The following GPHN variants were observed in gnomAD, a reference collection of about 807,000 sequenced individuals.
The protein encoded by GPHN is gephyrin.
Under a neutral mutation model 95.5 loss-of-function variants are expected in GPHN, and 17 were observed. The ratio of observed to expected loss-of-function variants is 0.18; its 90% CI spans 0.12 to 0.27. GPHN has a LOEUF of 0.27. Among genes scored for constraint, GPHN ranks in the 10% least tolerant of loss-of-function variants. GPHN has a pLI of 1.00. For synonymous variants in GPHN, 320 were observed against 322.5 expected (o/e 0.99, Z 0.08); for missense variants, 660 against 978.1 (o/e 0.67, Z 4.34).
intron 8 of GPHN, among the ~76,000 whole-genome samples, chr14:66,939,887 G>T (rs1021868841): frequency 6.6e-6 from 1 of 152,110 alleles, no homozygotes; most frequent in Admixed American, 6.6e-5. Context: ...TGACCGTTTG[G>T]AGGTTGATGG....
intron 1 of GPHN, among the ~76,000 whole-genome samples, chr14:66,555,947 A>T (rs1254486944): frequency 6.6e-6 from 1 of 152,148 alleles, no homozygotes; most frequent in Non-Finnish European, 1.5e-5. Flanking sequence ...CATTGTTTGA[A>T]CATCATAGAA....
the GPHN span, among the ~76,000 whole-genome samples, chr14:67,278,455 G>A: frequency 3.3e-5 from 5 of 150,924 alleles, no homozygotes; most frequent in East Asian, 3.9e-4. Context: ...TTTCTTATTC[G>A]TTGGGCATGT....
the GPHN span, among the ~76,000 whole-genome samples, chr14:67,521,458 A>G: frequency 6.6e-5 from 10 of 152,322 alleles, no homozygotes; most frequent in East Asian, 1.9e-3. Context: ...TGGTATCCAT[A>G]TGTCCATGTG....
At chr14:67,107,641 C>G (rs951620427) in intron 13 of GPHN, among the ~76,000 whole-genome samples, 1 of 152,134 alleles carries the variant, frequency 6.6e-6, no homozygotes. Context: ...AGTAGTGACC[C>G]TAGACCCCTG....
chr14:67,683,712 C>T, the GPHN span, among the ~76,000 whole-genome samples: 8 of 152,220 alleles, frequency 5.3e-5, no homozygotes, highest in Admixed American at 3.3e-4. Context: ...AGCTGGCATT[C>T]GCTCACTCTA....
At chr14:66,972,619 T>A (rs927500608) in intron 9 of GPHN, among the ~76,000 whole-genome samples, 1 of 151,814 alleles carries the variant, frequency 6.6e-6, no homozygotes. Flanking sequence ...ATTTTCCCAT[T>A]TTGTCACATT....
chr14:67,296,298 T>C, the GPHN span, among the ~76,000 whole-genome samples: 1 of 152,094 alleles, frequency 6.6e-6, no homozygotes, highest in Admixed American at 6.5e-5. Context: ...TAGGACTTAA[T>C]GTTAAAAGAT....
At chr14:67,332,682 TATGAA>T in the GPHN span, 1 of 1,145,262 alleles carries the variant, frequency 8.7e-7, no homozygotes, top group Non-Finnish European at 1.2e-6. Flanking sequence ...GAAGGAAAGC[TATGAA>T]GGTCGCTCCT....
intron 11 of GPHN, among the ~76,000 whole-genome samples, chr14:67,072,596 G>A (rs1313937024): frequency 6.6e-6 from 1 of 151,980 alleles, no homozygotes; most frequent in Non-Finnish European, 1.5e-5. Context: ...GAAAATCAGA[G>A]ACACAAAGAT....
chr14:67,692,877 T>A, the GPHN span: 1 of 1,198,764 alleles, frequency 8.3e-7, no homozygotes. Flanking sequence ...TGAATCATCA[T>A]TACTGTGAGG....
intron 4 of GPHN, among the ~76,000 whole-genome samples, chr14:66,833,748 G>A (rs1055522365): frequency 5.9e-5 from 9 of 151,748 alleles, no homozygotes; most frequent in African/African-American, 2.2e-4. Flanking sequence ...CTGCTGAGAG[G>A]CACACAATTC....
At chr14:66,542,782 A>G (rs1010985020) in intron 1 of GPHN, among the ~76,000 whole-genome samples, 1 of 152,142 alleles carries the variant, frequency 6.6e-6, no homozygotes, top group Non-Finnish European at 1.5e-5. Flanking sequence ...CAATGACTCT[A>G]ATTTCTTTCT....
the GPHN span, chr14:67,359,533 AG>A: frequency 9.1e-7 from 1 of 1,103,176 alleles, no homozygotes; most frequent in Non-Finnish European, 1.3e-6. Context: ...ACTCAAGAAA[AG>A]AACCTGGGAA....
the GPHN span, among the ~76,000 whole-genome samples, chr14:67,370,984 A>G: frequency 7.2e-5 from 11 of 152,126 alleles, no homozygotes; most frequent in Non-Finnish European, 1.5e-5. Context: ...AGCCGAGGTC[A>G]TGCCACTACA....
intron 18 of GPHN, among the ~76,000 whole-genome samples, chr14:67,156,826 T>A (rs2081614403): frequency 1.3e-5 from 2 of 151,792 alleles, no homozygotes; most frequent in South Asian, 2.1e-4. Context: ...AAAAATTAGC[T>A]GGGTGTGGTG....
chr14:67,329,614 T>G, the GPHN span, among the ~76,000 whole-genome samples: 1 of 152,092 alleles, frequency 6.6e-6, no homozygotes, highest in African/African-American at 2.4e-5. Flanking sequence ...GGCTGTGGGT[T>G]TGTCATAAAT....
At chr14:66,842,587 C>G in intron 4 of GPHN, 1 of 851,802 alleles carries the variant, frequency 1.2e-6, no homozygotes, top group Non-Finnish European at 1.9e-6. Context: ...GTTCTTATTT[C>G]CCTGAACCAG....
At chr14:67,087,050 A>AC (rs2076932938) in intron 11 of GPHN, among the ~76,000 whole-genome samples, 1 of 151,904 alleles carries the variant, frequency 6.6e-6, no homozygotes, top group African/African-American at 2.4e-5. Context: ...AAAAAAAAAA[A>AC]AAAAAACTCT....
intron 9 of GPHN, among the ~76,000 whole-genome samples, chr14:66,999,330 C>T (rs1386876625): frequency 6.6e-6 from 1 of 151,638 alleles, no homozygotes; most frequent in African/African-American, 2.4e-5. Context: ...ATTTACTTTG[C>T]TCAGGTTGAT....
Sources: gnomAD v4.1 joint callset for allele counts (sites outside exome capture counted in the v4.1 genomes callset) on GRCh38, gnomAD v4.1.1 for gene constraint, MANE v1.5 for transcripts, NCBI Gene and HGNC (gene_info 2026-07-23, HGNC 2026-07-21) for gene names.